Variants in OPCML observed in about 807,000 individuals in gnomAD.
The protein encoded by OPCML is opioid-binding protein/cell adhesion molecule.
In OPCML, 13 loss-of-function variants were observed where a neutral mutation model predicts 37.8. The ratio of observed to expected loss-of-function variants is 0.34; its 90% CI spans 0.22 to 0.55. The LOEUF is 0.55. Among genes scored for constraint, OPCML ranks in the 20% least tolerant of loss-of-function variants. The pLI, the probability that OPCML is intolerant of heterozygous loss-of-function variation, is 0.91. For missense variants in OPCML, 341 were observed against 435.6 expected (o/e 0.78, Z 1.93); for synonymous variants, 176 against 168.8 (o/e 1.04, Z -0.33).
At chr11:132,517,941 T>C (rs1013755343) in intron 4 of OPCML, among the ~76,000 whole-genome samples, 1 of 152,180 alleles carries the variant, frequency 6.6e-6, no homozygotes, top group African/African-American at 2.4e-5. Flanking sequence ...AGAGAATGAG[T>C]AGATCAGAAA....
chr11:133,062,503 C>G (rs1948363686), intron 1 of OPCML, among the ~76,000 whole-genome samples: 1 of 152,216 alleles, frequency 6.6e-6, no homozygotes, highest in Non-Finnish European at 1.5e-5. Flanking sequence ...AAGAGTCCTC[C>G]TTGCTCATAA....
chr11:132,548,631 G>A (rs2096374405), intron 3 of OPCML, among the ~76,000 whole-genome samples: 1 of 152,180 alleles, frequency 6.6e-6, no homozygotes, highest in Non-Finnish European at 1.5e-5. Context: ...CCCATTAAAT[G>A]TTAAAAAGTG....
At chr11:133,410,634 TAAA>T (rs71038527) in intron 1 of OPCML, among the ~76,000 whole-genome samples, 95 of 46,968 alleles carry the variant, frequency 2.0e-3, no homozygotes, top group East Asian at 4.4e-3. Context: ...AGAAAAAAAG[TAAA>T]AAAAAAAAAA....
chr11:133,225,470 C>T (rs974613132), intron 1 of OPCML, among the ~76,000 whole-genome samples: 9 of 152,194 alleles, frequency 5.9e-5, no homozygotes, highest in African/African-American at 2.2e-4. Flanking sequence ...AATGAAGGTG[C>T]TGATATCAAA....
At chr11:132,500,250 C>T (rs989967501) in intron 4 of OPCML, among the ~76,000 whole-genome samples, 1 of 152,194 alleles carries the variant, frequency 6.6e-6, no homozygotes, top group African/African-American at 2.4e-5. Flanking sequence ...ATTTATCAAT[C>T]ATGCCTCATT....
intron 2 of OPCML, among the ~76,000 whole-genome samples, chr11:132,796,146 T>A (rs1938296376): frequency 6.6e-6 from 1 of 152,200 alleles, no homozygotes; most frequent in African/African-American, 2.4e-5. Flanking sequence ...TATCAAGAAC[T>A]TGAGCATTCC....
intron 2 of OPCML, among the ~76,000 whole-genome samples, chr11:132,676,944 C>T (rs1942738118): frequency 6.6e-6 from 1 of 151,788 alleles, no homozygotes; most frequent in Non-Finnish European, 1.5e-5. Context: ...AAGAAAGAAA[C>T]CAAACTGTCT....
At chr11:133,051,079 A>T (rs985958110) in intron 1 of OPCML, among the ~76,000 whole-genome samples, 1 of 151,404 alleles carries the variant, frequency 6.6e-6, no homozygotes, top group Non-Finnish European at 1.5e-5. Flanking sequence ...ACACACACAC[A>T]CACACACCTC....
At chr11:132,724,893 G>T (rs570472451) in intron 2 of OPCML, among the ~76,000 whole-genome samples, 1 of 152,122 alleles carries the variant, frequency 6.6e-6, no homozygotes, top group Non-Finnish European at 1.5e-5. Flanking sequence ...GTCTCACATC[G>T]AGGTCATGCT....
chr11:132,827,743 G>C (rs1940440008), intron 2 of OPCML, among the ~76,000 whole-genome samples: 2 of 152,060 alleles, frequency 1.3e-5, no homozygotes, highest in African/African-American at 4.8e-5. Flanking sequence ...GCATTCAAGT[G>C]ATTCTCCTGC....
At chr11:132,837,112 C>T (rs1249055316) in intron 2 of OPCML, among the ~76,000 whole-genome samples, 2 of 152,112 alleles carry the variant, frequency 1.3e-5, no homozygotes, top group East Asian at 1.9e-4. Flanking sequence ...GTCGGGAGTT[C>T]GAGACCAGCC....
intron 2 of OPCML, among the ~76,000 whole-genome samples, chr11:132,744,776 T>C (rs1314752415): frequency 6.6e-6 from 1 of 152,214 alleles, no homozygotes; most frequent in Non-Finnish European, 1.5e-5. Context: ...AAATAAATGC[T>C]GAGGGGACAC....
At chr11:132,513,228 G>A (rs79303290) in intron 4 of OPCML, among the ~76,000 whole-genome samples, 8,694 of 152,140 alleles carry the variant, frequency 0.057, 342 homozygotes, top group Middle Eastern at 0.088. Flanking sequence ...AAGCAGATAA[G>A]GGAAGAAAGT....
intron 3 of OPCML, among the ~76,000 whole-genome samples, chr11:132,587,694 A>G (rs2096476046): frequency 6.6e-6 from 1 of 152,342 alleles, no homozygotes; most frequent in East Asian, 1.9e-4. Flanking sequence ...ACATAGGGCC[A>G]TGAGAATTCC....
intron 2 of OPCML, among the ~76,000 whole-genome samples, chr11:132,922,851 T>C (rs1191697473): frequency 6.6e-6 from 1 of 151,882 alleles, no homozygotes; most frequent in Non-Finnish European, 1.5e-5. Flanking sequence ...GGTGGAAGGA[T>C]CTCTTGAGCT....
At chr11:132,438,555 T>C (rs1431935561) in intron 4 of OPCML, among the ~76,000 whole-genome samples, 5 of 148,828 alleles carry the variant, frequency 3.4e-5, no homozygotes, top group Admixed American at 2.0e-4. Context: ...TGTGCAAGTG[T>C]ATAGGGTGGG....
At chr11:133,414,010 C>T (rs187746609) in intron 1 of OPCML, among the ~76,000 whole-genome samples, 112 of 152,258 alleles carry the variant, frequency 7.4e-4, no homozygotes, top group Non-Finnish European at 1.3e-3. Flanking sequence ...GAGGCTACTT[C>T]CATATGTGTG....
In OPCML at chr11:133,124,644, GCT is replaced by G. The variant is rs551964962; in HGVS notation, c.62-181636_62-181635del. 2.0e-3 allele frequency among the ~76,000 whole-genome samples: 308 copies of G among 152,286 alleles called. 1 individual carries two copies. The highest frequency in any genetic ancestry group is 7.1e-3 in the African/African-American group (295 of 41,558). On this transcript the variant is annotated intron_variant, in intron 1 of 7. Transcript: ENST00000524381. Reference sequence around the variant, plus strand: ...GACAGTATGGGGGCATTGAGACTGAGCTGTTATCTTCAGGCCCCTTGTTCCTC... The same window carrying G: ...GACAGTATGGGGGCATTGAGACTGAGGTTATCTTCAGGCCCCTTGTTCCTC...
intron 1 of OPCML, among the ~76,000 whole-genome samples, chr11:133,367,157 C>G (rs966998325): frequency 6.6e-6 from 1 of 152,062 alleles, no homozygotes; most frequent in Middle Eastern, 3.2e-3. Flanking sequence ...TTTTTTATTT[C>G]TAATACAGAG....
Sources: gnomAD v4.1 joint callset for allele counts (sites outside exome capture counted in the v4.1 genomes callset) on GRCh38, gnomAD v4.1.1 for gene constraint, MANE v1.5 for transcripts, NCBI Gene and HGNC (gene_info 2026-07-23, HGNC 2026-07-21) for gene names.